Variants in B3GALT1 observed in about 807,000 individuals in gnomAD.
The protein encoded by B3GALT1 is UDP-Gal:betaGlcNAc beta 1,3-galactosyltransferase, polypeptide 1.
A neutral mutation model predicts 23.2 loss-of-function variants in B3GALT1; 10 were observed. That is an observed-to-expected ratio of 0.43 (90% CI 0.27 to 0.73). The LOEUF is 0.73. Among genes scored for constraint, B3GALT1 ranks in the 30% least tolerant of loss-of-function variants. The pLI, the probability that B3GALT1 is intolerant of heterozygous loss-of-function variation, is 0.21. For missense variants in B3GALT1, 299 were observed against 405.4 expected, an observed-to-expected ratio of 0.74 and a Z score of 2.25; for synonymous variants, 156 against 141.5, an observed-to-expected ratio of 1.10 and a Z score of -0.73.
intron 2 of B3GALT1, among the ~76,000 whole-genome samples, chr2:167,600,697 T>C (rs1364567185): frequency 1.3e-5 from 2 of 152,194 alleles, no homozygotes; most frequent in African/African-American, 4.8e-5. Flanking sequence ...TTCATCCAGG[T>C]TGTGACATGT....
intron 3 of B3GALT1, among the ~76,000 whole-genome samples, chr2:167,763,136 A>G (rs570163724): frequency 2.0e-5 from 3 of 152,330 alleles, no homozygotes; most frequent in Admixed American, 6.5e-5. Context: ...TGTTAAAACA[A>G]TTTTAAACAA....
intron 2 of B3GALT1, among the ~76,000 whole-genome samples, chr2:167,646,446 G>A (rs1147154): frequency 0.29 from 43,811 of 152,000 alleles, 6,541 homozygotes; most frequent in African/African-American, 0.37. Flanking sequence ...CCTAGTGCCT[G>A]CCCACCTCAG....
At chr2:167,355,959 C>G (rs1697394098) in intron 1 of B3GALT1, among the ~76,000 whole-genome samples, 2 of 152,116 alleles carry the variant, frequency 1.3e-5, no homozygotes, top group South Asian at 4.1e-4. Flanking sequence ...AGAAAGAGAT[C>G]AAACCCTAGT....
intron 2 of B3GALT1, among the ~76,000 whole-genome samples, chr2:167,627,615 A>G (rs1273685806): frequency 2.0e-5 from 3 of 151,758 alleles, no homozygotes; most frequent in Non-Finnish European, 3.0e-5. Flanking sequence ...GCAATAAGGA[A>G]TAAAGCTGCT....
chr2:167,303,534 A>G (rs1696489719), intron 1 of B3GALT1, among the ~76,000 whole-genome samples: 3 of 152,110 alleles, frequency 2.0e-5, no homozygotes, highest in Non-Finnish European at 4.4e-5. Context: ...TGTCCTCATC[A>G]GTATGAATGG....
At chr2:167,660,552 C>T (rs189205168) in intron 3 of B3GALT1, among the ~76,000 whole-genome samples, 100 of 152,200 alleles carry the variant, frequency 6.6e-4, no homozygotes, top group African/African-American at 2.2e-3. Flanking sequence ...TTCTTGCATA[C>T]TATTTCTAGA....
intron 1 of B3GALT1, among the ~76,000 whole-genome samples, chr2:167,442,540 G>C (rs1057173501): frequency 6.6e-6 from 1 of 151,656 alleles, no homozygotes; most frequent in East Asian, 1.9e-4. Context: ...TCCAGCACCT[G>C]TTGTTTCCTG....
intron 1 of B3GALT1, among the ~76,000 whole-genome samples, chr2:167,322,662 T>A (rs914804426): frequency 6.6e-6 from 1 of 152,034 alleles, no homozygotes; most frequent in Non-Finnish European, 1.5e-5. Context: ...TGGTGGATTC[T>A]TATCAATTTC....
At chr2:167,673,809 G>A (rs1276363094) in intron 3 of B3GALT1, among the ~76,000 whole-genome samples, 1 of 152,064 alleles carries the variant, frequency 6.6e-6, no homozygotes, top group Non-Finnish European at 1.5e-5. Context: ...GATTTATACA[G>A]TTAGCTATCT....
At position 167,301,042 on chromosome 2, in the gene B3GALT1, A is replaced by G. The variant is rs115149120; in HGVS notation, c.-511+7708A>G. ...GAAAGAGGCTCATATTCATCATTTT[A>G]TTCTGAGCGCATTGAATATAAGTTG... On this transcript the variant is annotated intron_variant, in intron 1 of 4. Transcript: ENST00000392690. Among the ~76,000 whole-genome samples the G allele has an allele frequency of 8.9e-4, 136 of 152,320 alleles. 2 individuals are homozygous for G. Among genetic ancestry groups the G allele is most frequent in the African/African-American group, 3.0e-3 (124 of 41,578 alleles).
chr2:167,371,795 A>C (rs900641493), intron 1 of B3GALT1, among the ~76,000 whole-genome samples: 1 of 119,754 alleles, frequency 8.4e-6, no homozygotes, highest in Admixed American at 1.0e-4. Context: ...TGAATCTCTA[A>C]TAAGAAATAT....
chr2:167,557,788 G>A (rs560800865), intron 2 of B3GALT1, among the ~76,000 whole-genome samples: 8 of 152,308 alleles, frequency 5.3e-5, no homozygotes, highest in Non-Finnish European at 1.2e-4. Context: ...GACATCATTG[G>A]CTTGACTGGA....
intron 2 of B3GALT1, among the ~76,000 whole-genome samples, chr2:167,607,142 T>A (rs1327246433): frequency 2.6e-5 from 4 of 152,158 alleles, no homozygotes; most frequent in African/African-American, 9.7e-5. Flanking sequence ...TATTTGAAGA[T>A]GATTATTTTT....
intron 2 of B3GALT1, among the ~76,000 whole-genome samples, chr2:167,636,933 A>G (rs930527092): frequency 5.3e-5 from 8 of 152,058 alleles, no homozygotes; most frequent in Non-Finnish European, 7.4e-5. Context: ...GTGTATACCT[A>G]TGTAACAAAA....
chr2:167,484,806 A>G (rs560391305), intron 1 of B3GALT1, among the ~76,000 whole-genome samples: 2 of 152,314 alleles, frequency 1.3e-5, no homozygotes, highest in South Asian at 4.1e-4. Context: ...GGGATTCTCT[A>G]CAGAATGTAC....
At chr2:167,811,675 G>A (rs1688892140) in intron 3 of B3GALT1, among the ~76,000 whole-genome samples, 1 of 123,538 alleles carries the variant, frequency 8.1e-6, no homozygotes, top group Non-Finnish European at 1.5e-5. Flanking sequence ...AAGGGCAAAG[G>A]GTGGCTTCTT....
chr2:167,444,049 C>T (rs1698941391), intron 1 of B3GALT1, among the ~76,000 whole-genome samples: 1 of 152,146 alleles, frequency 6.6e-6, no homozygotes, highest in African/African-American at 2.4e-5. Flanking sequence ...CCCATCAATA[C>T]CTAATTTACT....
intron 3 of B3GALT1, among the ~76,000 whole-genome samples, chr2:167,704,046 TATCA>T (rs1226451937): frequency 4.0e-5 from 6 of 151,850 alleles, no homozygotes; most frequent in Non-Finnish European, 5.9e-5. Context: ...CCGGGTGTGG[TATCA>T]GGCGCCTGTA....
chr2:167,566,318 A>G, intron 2 of B3GALT1, among the ~76,000 whole-genome samples: 1 of 150,106 alleles, frequency 6.7e-6, no homozygotes, highest in Non-Finnish European at 1.5e-5. Flanking sequence ...ACATGGACAC[A>G]GGAAGGGGAA....
Sources: allele counts gnomAD v4.1 joint callset (sites outside exome capture counted in the v4.1 genomes callset), GRCh38; gene constraint gnomAD v4.1.1; transcripts MANE v1.5; gene names NCBI Gene and HGNC (gene_info 2026-07-23, HGNC 2026-07-21).